Variants in PCCA observed in about 807,000 individuals in gnomAD.
The protein encoded by PCCA is propionyl-CoA carboxylase subunit alpha.
A neutral mutation model predicts 101.3 loss-of-function variants in PCCA; 74 were observed. That is an observed-to-expected ratio of 0.73 (90% CI 0.61 to 0.89). The LOEUF (loss-of-function observed/expected upper bound fraction) is 0.89, where lower values mean the gene tolerates loss of function less well. Ranked by LOEUF, PCCA falls within the 40% of genes least tolerant of loss-of-function variation. PCCA has a pLI of 0.00. For synonymous variants in PCCA, 294 were observed against 313.6 expected, an observed-to-expected ratio of 0.94 and a Z score of 0.66; for missense variants, 891 against 907.0, an observed-to-expected ratio of 0.98 and a Z score of 0.23.
intron 4 of PCCA, among the ~76,000 whole-genome samples, chr13:100,137,628 T>G (rs1725173753): frequency 6.6e-6 from 1 of 152,188 alleles, no homozygotes; most frequent in Non-Finnish European, 1.5e-5. Flanking sequence ...TGAAGCCTAC[T>G]TTTTCTGATA....
In PCCA at chr13:100,398,168, C is replaced by A. The variant is rs538078573; in HGVS notation, c.1747-27465C>A. On this transcript the variant is annotated intron_variant, in intron 19 of 23. Coordinates refer to ENST00000376285, the MANE Select transcript of PCCA (RefSeq NM_000282.4). ...GTGGATGTTGTTTCCAGTAGTGTAA[C>A]TTAACAAAGATTGAAGGAAGCTCCG... Among the ~76,000 whole-genome samples, 6 of 152,280 alleles carry A rather than the reference C, an allele frequency of 3.9e-5. No homozygotes were observed. In the South Asian group the frequency reaches 1.2e-3, roughly 32 times the overall value.
rs948191732 is a variant in PCCA, at chr13:100,515,641, A to G, written c.2040+74A>G. The G allele has an allele frequency of 2.8e-5, 43 of 1,560,386 alleles. No individual in the cohort carries two copies. The African/African-American group carries it at 5.1e-4, about 19-fold the overall frequency. ...CCCTTCCAAAGCGACGGCTAACGGC[A>G]CAGCACGATTCGGCTCTTTGCAGTT... On this transcript the variant is annotated intron_variant, in intron 22 of 23. Transcript: ENST00000376285.
At chr13:100,257,422 A>G (rs951703314) in intron 8 of PCCA, among the ~76,000 whole-genome samples, 173 bp from the exon 9 acceptor site, 3 of 152,138 alleles carry the variant, frequency 2.0e-5, no homozygotes, top group African/African-American at 7.2e-5. Flanking sequence ...TTTTTTAAAT[A>G]CATCATTACA....
At chr13:100,312,776 G>A (rs1323173221) in intron 16 of PCCA, among the ~76,000 whole-genome samples, 4 of 152,144 alleles carry the variant, frequency 2.6e-5, no homozygotes, top group African/African-American at 4.8e-5. Context: ...TGTATGAATC[G>A]TTAAAGTAGA....
At chr13:100,434,404 A>C (rs1329492707) in intron 20 of PCCA, among the ~76,000 whole-genome samples, 1 of 152,028 alleles carries the variant, frequency 6.6e-6, no homozygotes, top group South Asian at 2.1e-4. Flanking sequence ...GAGCTGCTAT[A>C]TTGGGTCTCT....
chr13:100,188,293 A>AC (rs2057455823), intron 6 of PCCA, among the ~76,000 whole-genome samples: 7 of 130,918 alleles, frequency 5.3e-5, no homozygotes, highest in Admixed American at 2.4e-4. Flanking sequence ...CTCTGTCTCA[A>AC]AAAAACAAAA....
chr13:100,259,887 T>C (rs866976516), intron 9 of PCCA, among the ~76,000 whole-genome samples: 4 of 152,208 alleles, frequency 2.6e-5, no homozygotes, highest in Admixed American at 1.3e-4. Context: ...TAAATACTTA[T>C]TGAATGAATG....
At chr13:100,348,847 CTCT>C (rs374184393) in intron 18 of PCCA, among the ~76,000 whole-genome samples, 41 of 52,370 alleles carry the variant, frequency 7.8e-4, no homozygotes, top group African/African-American at 1.0e-3. Flanking sequence ...TTTTCTCTTT[CTCT>C]CTTCCTCCCT....
chr13:100,329,179 G>A (rs918064035), intron 16 of PCCA, among the ~76,000 whole-genome samples: 5 of 151,784 alleles, frequency 3.3e-5, no homozygotes, highest in African/African-American at 4.8e-5. Context: ...TACATTTCTC[G>A]CTTTGTTTTT....
intron 8 of PCCA, chr13:100,236,783 AT>A (rs1417177657): frequency 6.6e-6 from 1 of 152,196 alleles, no homozygotes; most frequent in Non-Finnish European, 1.5e-5. Context: ...AATTTTAAAA[AT>A]ATTCTTGGCG....
chr13:100,487,747 C>T (rs2084505363), intron 21 of PCCA, among the ~76,000 whole-genome samples: 1 of 152,054 alleles, frequency 6.6e-6, no homozygotes, highest in Non-Finnish European at 1.5e-5. Context: ...TTTTTTGAGA[C>T]AGGGTCTCCC....
chr13:100,366,228 G>A (rs1186564281), intron 18 of PCCA, among the ~76,000 whole-genome samples: 1 of 152,044 alleles, frequency 6.6e-6, no homozygotes, highest in Admixed American at 6.6e-5. Flanking sequence ...GACCCCATTC[G>A]AAGTGAGCAA....
At chr13:100,202,134 A>G (rs1387273726) in intron 6 of PCCA, among the ~76,000 whole-genome samples, 1 of 148,030 alleles carries the variant, frequency 6.8e-6, no homozygotes, top group African/African-American at 2.5e-5. Flanking sequence ...GTTTGAGACC[A>G]TCATAGGCAA....
At chr13:100,306,585 C>G (rs941192166) in intron 14 of PCCA, among the ~76,000 whole-genome samples, 1 of 152,154 alleles carries the variant, frequency 6.6e-6, no homozygotes, top group African/African-American at 2.4e-5. Context: ...ATATTTTGAA[C>G]TTGTGCTATC....
chr13:100,123,770 C>T (rs2049677752), intron 4 of PCCA, among the ~76,000 whole-genome samples: 1 of 152,034 alleles, frequency 6.6e-6, no homozygotes, highest in Non-Finnish European at 1.5e-5. Context: ...CTATGGAATA[C>T]ATTTGTTAGA....
chr13:100,386,091 A>C (rs1445738631), intron 19 of PCCA, among the ~76,000 whole-genome samples: 2 of 152,244 alleles, frequency 1.3e-5, no homozygotes, highest in Non-Finnish European at 2.9e-5. Context: ...GACTGGAAAG[A>C]ACTAGCAAAA....
intron 4 of PCCA, among the ~76,000 whole-genome samples, chr13:100,146,699 A>G (rs1021795554): frequency 2.6e-5 from 4 of 152,160 alleles, no homozygotes; most frequent in Non-Finnish European, 4.4e-5. Context: ...TTTCTCCATT[A>G]CATTAATAAA....
intron 16 of PCCA, among the ~76,000 whole-genome samples, chr13:100,325,159 TG>T (rs1439287728): frequency 6.6e-6 from 1 of 152,184 alleles, no homozygotes; most frequent in African/African-American, 2.4e-5. Context: ...CCAGCAGGTG[TG>T]AAAATCTTGC....
chr13:100,414,095 A>G (rs1445546920), intron 19 of PCCA, among the ~76,000 whole-genome samples: 1 of 152,238 alleles, frequency 6.6e-6, no homozygotes, highest in African/African-American at 2.4e-5. Flanking sequence ...TTGTTTTTGC[A>G]ATTCACATCC....
Sources: gnomAD v4.1 joint callset for allele counts (sites outside exome capture counted in the v4.1 genomes callset) on GRCh38, gnomAD v4.1.1 for gene constraint, MANE v1.5 for transcripts, NCBI Gene and HGNC (gene_info 2026-07-23, HGNC 2026-07-21) for gene names.